ZNF385D: variants seen among roughly 807,000 people sequenced by gnomAD.
ZNF385D encodes the protein zinc finger protein 659.
In ZNF385D, 15 loss-of-function variants were observed where a neutral mutation model predicts 35.8. That is an observed-to-expected ratio of 0.42 (90% confidence interval 0.28 to 0.64). The LOEUF (loss-of-function observed/expected upper bound fraction) is 0.64. Among genes scored for constraint, ZNF385D ranks in the 30% least tolerant of loss-of-function variants. ZNF385D has a pLI of 0.23. For missense variants in ZNF385D, 474 were observed against 494.6 expected (o/e 0.96, Z 0.39); for synonymous variants, 212 against 186.8 (o/e 1.13, Z -1.10).
chr3:22,078,322 A>G (rs1390727897), intron 3 of ZNF385D, among the ~76,000 whole-genome samples: 2 of 152,086 alleles, frequency 1.3e-5, no homozygotes, highest in African/African-American at 2.4e-5. Flanking sequence ...TCGCATTGCA[A>G]TATAACCAAG....
intron 1 of ZNF385D, among the ~76,000 whole-genome samples, chr3:21,716,796 T>C (rs889842889): frequency 2.0e-5 from 3 of 152,180 alleles, no homozygotes; most frequent in African/African-American, 7.2e-5. Context: ...TTGTTTTTTG[T>C]TTTGTTTTGT....
rs571444488 is a variant in ZNF385D at position 22,124,519 on chromosome 3, G to C, written c.325+44298C>G. 2.0e-5 allele frequency among the ~76,000 whole-genome samples: 3 copies of C among 152,076 alleles called. No homozygotes were observed. The South Asian group carries it at 6.2e-4, about 32-fold the overall frequency. On this transcript the variant is annotated intron_variant, in intron 3 of 5. Transcript: ENST00000494108. ...GGACCTCTATACTTTTCTCCATAGT[G>C]GCTGTACTAATTTATATTCCCACAG...
chr3:22,315,078 C>T (rs1267224041), intron 2 of ZNF385D, among the ~76,000 whole-genome samples: 2 of 152,118 alleles, frequency 1.3e-5, no homozygotes, highest in East Asian at 1.9e-4. Context: ...CCCAGGTTAT[C>T]GTGATAGGTA....
chr3:22,131,578 G>A (rs1355434766), intron 3 of ZNF385D, among the ~76,000 whole-genome samples: 1 of 152,102 alleles, frequency 6.6e-6, no homozygotes, highest in African/African-American at 2.4e-5. Context: ...ACTGTTACAG[G>A]ATGGAATGGG....
chr3:21,739,146 C>T (rs2069385917), intron 1 of ZNF385D, among the ~76,000 whole-genome samples: 1 of 152,192 alleles, frequency 6.6e-6, no homozygotes, highest in African/African-American at 2.4e-5. Flanking sequence ...TCAACACCAT[C>T]CAACTGAGCA....
intron 2 of ZNF385D, among the ~76,000 whole-genome samples, chr3:21,661,094 C>G (rs2066225810): frequency 6.6e-6 from 1 of 152,134 alleles, no homozygotes; most frequent in African/African-American, 2.4e-5. Flanking sequence ...CTCCATGACT[C>G]CATGAAAGAG....
At position 21,750,923 on chromosome 3, in the gene ZNF385D, G is replaced by C. The variant is rs1190280923; in HGVS notation, c.-7C>G. The C allele has an allele frequency of 6.8e-6, 11 of 1,614,122 alleles. No individual in the cohort carries two copies. The South Asian group carries it at 1.1e-4, about 16-fold the overall frequency. On this transcript the variant is annotated 5_prime_UTR_variant, in exon 1 of 8. Coordinates refer to ENST00000281523, the MANE Select transcript of ZNF385D (RefSeq NM_024697.3). The stretch of plus-strand genomic sequence containing the variant: ...AATACATTATGTTTCTCATTAATCA[G>C]ACAGCTGGAATCCCACCGCGGTGTC...
At chr3:21,921,847 A>G (rs745537944) in intron 3 of ZNF385D, among the ~76,000 whole-genome samples, 3 of 151,840 alleles carry the variant, frequency 2.0e-5, no homozygotes, top group African/African-American at 7.2e-5. Context: ...GTAATGAAAA[A>G]AAAAAAAGAC....
chr3:21,596,331 G>C (rs1490496074), intron 2 of ZNF385D, among the ~76,000 whole-genome samples: 1 of 152,104 alleles, frequency 6.6e-6, no homozygotes, highest in African/African-American at 2.4e-5. Context: ...ACACTATTCA[G>C]TTCACAGAGC....
chr3:21,631,861 T>C (rs959350972), intron 2 of ZNF385D, among the ~76,000 whole-genome samples: 1 of 152,150 alleles, frequency 6.6e-6, no homozygotes, highest in Non-Finnish European at 1.5e-5. Flanking sequence ...GTCATGTTTT[T>C]AGGGATGCAA....
chr3:21,804,680 T>G (rs905310956), intron 3 of ZNF385D, among the ~76,000 whole-genome samples: 2 of 152,208 alleles, frequency 1.3e-5, no homozygotes, highest in Non-Finnish European at 2.9e-5. Context: ...TGTCCTCAGA[T>G]TCTGTATTAT....
At chr3:22,066,532 CTGTGTGTGTGTGTGTGTGTGTG>C (rs10536628) in intron 3 of ZNF385D, among the ~76,000 whole-genome samples, 942 of 91,312 alleles carry the variant, frequency 0.01, 17 homozygotes, top group African/African-American at 0.04. Flanking sequence ...AGATGGTTCC[CTGTGTGTGTGTGTGTGTGTGTG>C]TGTGTGTGTG....
Position 21,786,899 on chromosome 3 carries a change from T to C in ZNF385D, c.326-121871A>G, listed in dbSNP as rs187016946. ...CATGTGAAGTAGTCCATTATATTATTTGGGGAATTATGCTACAAAGAAAAA... is the reference window on the plus strand; with the variant it reads ...CATGTGAAGTAGTCCATTATATTATCTGGGGAATTATGCTACAAAGAAAAA... On this transcript the variant is annotated intron_variant, in intron 3 of 5. Coordinates refer to the ZNF385D transcript ENST00000494108. 3.3e-5 allele frequency among the ~76,000 whole-genome samples: 5 copies of C among 152,292 alleles called. No individual in the cohort carries two copies. In the East Asian group the frequency reaches 9.7e-4, roughly 29 times the overall value.
At chr3:22,190,345 T>G (rs1031395028) in intron 2 of ZNF385D, among the ~76,000 whole-genome samples, 3 of 152,186 alleles carry the variant, frequency 2.0e-5, no homozygotes, top group Non-Finnish European at 4.4e-5. Context: ...TTGATGACAG[T>G]GCATTTACAA....
chr3:21,529,889 G>A (rs980920708), intron 3 of ZNF385D, among the ~76,000 whole-genome samples: 12 of 152,114 alleles, frequency 7.9e-5, no homozygotes, highest in Admixed American at 4.6e-4. Context: ...TGCAGAAAAA[G>A]TGATATGGTT....
At chr3:22,294,100 G>A (rs1702446029) in intron 2 of ZNF385D, among the ~76,000 whole-genome samples, 1 of 151,590 alleles carries the variant, frequency 6.6e-6, no homozygotes, top group Non-Finnish European at 1.5e-5. Context: ...AATACATAAT[G>A]ATACTCTAAG....
chr3:22,070,044 C>T (rs535043056), intron 3 of ZNF385D, among the ~76,000 whole-genome samples: 1 of 152,262 alleles, frequency 6.6e-6, no homozygotes, highest in South Asian at 2.1e-4. Flanking sequence ...TGTCTAAATT[C>T]TGAATTGTAT....
At chr3:21,647,194 T>C (rs1043430613) in intron 2 of ZNF385D, among the ~76,000 whole-genome samples, 1 of 152,212 alleles carries the variant, frequency 6.6e-6, no homozygotes, top group Admixed American at 6.6e-5. Flanking sequence ...CTAAATAATA[T>C]GTAACAAAAA....
At chr3:21,616,439 G>C (rs1184949617) in intron 2 of ZNF385D, among the ~76,000 whole-genome samples, 1 of 152,268 alleles carries the variant, frequency 6.6e-6, no homozygotes, top group Non-Finnish European at 1.5e-5. Context: ...CCTTCCATGA[G>C]AAAATCAATT....
Sources: gnomAD v4.1 joint callset for allele counts (sites outside exome capture counted in the v4.1 genomes callset) on GRCh38, gnomAD v4.1.1 for gene constraint, MANE v1.5 for transcripts, NCBI Gene and HGNC (gene_info 2026-07-23, HGNC 2026-07-21) for gene names.